The following CCSER1 variants were observed in gnomAD, a reference collection of about 807,000 sequenced individuals.
CCSER1 encodes the protein serine-rich coiled-coil domain-containing protein 1.
A neutral mutation model predicts 82.0 loss-of-function variants in CCSER1; 41 were observed. The observed-to-expected ratio is 0.50, with a 90% CI of 0.39 to 0.65. The LOEUF is 0.65. Among genes scored for constraint, CCSER1 ranks in the 30% least tolerant of loss-of-function variants. CCSER1 has a pLI of 0.00. For missense variants in CCSER1, 1,119 were observed against 1,064.2 expected, an observed-to-expected ratio of 1.05 and a Z score of -0.72; for synonymous variants, 414 against 383.9, an observed-to-expected ratio of 1.08 and a Z score of -0.92.
At chr4:90,218,269 A>G (rs1741479937) in intron 1 of CCSER1, among the ~76,000 whole-genome samples, 1 of 152,224 alleles carries the variant, frequency 6.6e-6, no homozygotes, top group Admixed American at 6.5e-5. Flanking sequence ...CATCTCAGGA[A>G]TGAAGCAGAC....
At chr4:90,788,352 A>G (rs1394430249) in intron 7 of CCSER1, among the ~76,000 whole-genome samples, 3 of 152,294 alleles carry the variant, frequency 2.0e-5, no homozygotes, top group Non-Finnish European at 4.4e-5. Flanking sequence ...AAAAAGTACT[A>G]CAAACAAACT....
intron 10 of CCSER1, among the ~76,000 whole-genome samples, chr4:91,595,667 TGGCAGCTTA>T (rs1444138617): frequency 6.6e-6 from 1 of 152,012 alleles, no homozygotes; most frequent in Non-Finnish European, 1.5e-5. Flanking sequence ...ATGAGGAAAT[TGGCAGCTTA>T]GGAAGCTTAG....
rs752808705 is a variant in CCSER1 at position 90,308,835 on chromosome 4, C to T, written c.551C>T (p.Ser184Phe). 6.2e-7 allele frequency: 1 copy of T among 1,613,758 alleles called. No individual in the cohort carries two copies. Reference sequence around the variant, plus strand: ...TCAACAAGGAAGCTACTCCCTAAATCTTTTTCATCTCACTATAAATTTTCT... The same window carrying T: ...TCAACAAGGAAGCTACTCCCTAAATTTTTTTCATCTCACTATAAATTTTCT... Reference protein sequence around the residue: ...KQSTRKLLPKSFSSHYKFSKP... With the variant: ...KQSTRKLLPKFFSSHYKFSKP... The change falls in exon 2 of 11, where the codon TCT (serine) becomes TTT (phenylalanine). Residue 184 changes from serine (S) to phenylalanine (F), a missense_variant. By Grantham distance (155) the Ser-to-Phe change is radical. Transcript: ENST00000509176.
chr4:91,292,239 A>C (rs1304169840), intron 10 of CCSER1, among the ~76,000 whole-genome samples: 1 of 152,018 alleles, frequency 6.6e-6, no homozygotes, highest in Non-Finnish European at 1.5e-5. Context: ...CAACTGAAAG[A>C]TTCCCTTGCA....
intron 1 of CCSER1, among the ~76,000 whole-genome samples, chr4:90,289,842 T>C (rs912896166): frequency 1.1e-4 from 16 of 151,852 alleles, no homozygotes; most frequent in African/African-American, 3.9e-4. Flanking sequence ...TTAGTCCTTA[T>C]AATAGTTAAA....
At chr4:90,149,637 A>G (rs1172379427) in intron 1 of CCSER1, among the ~76,000 whole-genome samples, 1 of 152,176 alleles carries the variant, frequency 6.6e-6, no homozygotes, top group East Asian at 1.9e-4. Flanking sequence ...TTTGGCCTCT[A>G]TATGACAATT....
At chr4:91,318,929 G>A (rs9999885) in intron 10 of CCSER1, 120,383 of 154,072 alleles carry the variant, frequency 0.78, 47,818 homozygotes, top group African/African-American at 0.93. Context: ...ATTTCATGGA[G>A]AGGAAAAAAA....
chr4:91,370,924 T>C (rs116674660), intron 10 of CCSER1, among the ~76,000 whole-genome samples: 31,800 of 151,944 alleles, frequency 0.21, 3,927 homozygotes, highest in Middle Eastern at 0.33. Flanking sequence ...TGCTATAGTG[T>C]GATCTTGGCT....
intron 4 of CCSER1, among the ~76,000 whole-genome samples, chr4:90,458,640 C>T (rs1219872015): frequency 4.6e-5 from 7 of 152,186 alleles, no homozygotes; most frequent in Admixed American, 1.3e-4. Context: ...AAGGCGTGAG[C>T]CACCATGCCT....
intron 5 of CCSER1, among the ~76,000 whole-genome samples, chr4:90,476,352 C>T (rs1296904757): frequency 6.6e-6 from 1 of 151,996 alleles, no homozygotes; most frequent in Non-Finnish European, 1.5e-5. Context: ...TCTGGAGGAC[C>T]ACATAACGCA....
At chr4:91,168,668 G>A (rs1209243996) in intron 10 of CCSER1, among the ~76,000 whole-genome samples, 5 of 152,126 alleles carry the variant, frequency 3.3e-5, no homozygotes, top group Admixed American at 6.5e-5. Flanking sequence ...CTGCCCGACC[G>A]CCCCATCTGG....
intron 10 of CCSER1, among the ~76,000 whole-genome samples, chr4:91,593,467 C>CT (rs753973015): frequency 0.39 from 21,359 of 54,886 alleles, 7,712 homozygotes; most frequent in African/African-American, 0.64. Context: ...CAACCCCGTG[C>CT]TTTTTTTTTT....
At chr4:91,434,197 GT>G (rs111695937) in intron 10 of CCSER1, among the ~76,000 whole-genome samples, 28,679 of 148,512 alleles carry the variant, frequency 0.19, 3,811 homozygotes, top group African/African-American at 0.38. Context: ...CTTTTTGTTT[GT>G]TTTTTTTTTG....
intron 5 of CCSER1, among the ~76,000 whole-genome samples, chr4:90,523,092 G>C (rs753479231): frequency 2.0e-5 from 3 of 152,046 alleles, no homozygotes; most frequent in Non-Finnish European, 2.9e-5. Flanking sequence ...ATTGGTTTGA[G>C]GTTAAGAATG....
At chr4:90,223,906 T>C (rs1245932782) in intron 1 of CCSER1, among the ~76,000 whole-genome samples, 1 of 152,192 alleles carries the variant, frequency 6.6e-6, no homozygotes, top group African/African-American at 2.4e-5. Flanking sequence ...CAATTAGACC[T>C]TTATGACTTC....
At chr4:91,422,613 CTAAT>C (rs1227077625) in intron 10 of CCSER1, among the ~76,000 whole-genome samples, 3 of 152,044 alleles carry the variant, frequency 2.0e-5, no homozygotes, top group African/African-American at 7.3e-5. Flanking sequence ...ATATTTCTAA[CTAAT>C]CAAGTAATTC....
intron 1 of CCSER1, among the ~76,000 whole-genome samples, chr4:90,282,097 G>A (rs1409516074): frequency 1.3e-5 from 2 of 152,050 alleles, no homozygotes; most frequent in African/African-American, 4.8e-5. Flanking sequence ...CAATTTTGGA[G>A]AACTAAGAAC....
intron 4 of CCSER1, among the ~76,000 whole-genome samples, chr4:90,429,976 G>C (rs2153566034): frequency 6.6e-6 from 1 of 151,832 alleles, no homozygotes; most frequent in South Asian, 2.1e-4. Context: ...TCTTTACTAA[G>C]TCTCACATAT....
chr4:90,489,484 T>A (rs1214308341), intron 5 of CCSER1, among the ~76,000 whole-genome samples: 2 of 152,098 alleles, frequency 1.3e-5, no homozygotes, highest in African/African-American at 2.4e-5. Flanking sequence ...AAGAGGGAAA[T>A]TATTAATAGG....
Sources: gnomAD v4.1 joint callset for allele counts (sites outside exome capture counted in the v4.1 genomes callset) on GRCh38, gnomAD v4.1.1 for gene constraint, MANE v1.5 for transcripts, NCBI Gene and HGNC (gene_info 2026-07-23, HGNC 2026-07-21) for gene names.